The following ARMH4 variants were observed in gnomAD, a reference collection of about 807,000 sequenced individuals.
ARMH4 encodes the protein armadillo-like helical domain-containing protein 4.
In ARMH4, 49 loss-of-function variants were observed where a neutral mutation model predicts 61.9. The observed-to-expected ratio is 0.79, with a 90% confidence interval of 0.63 to 1.00. The LOEUF is 1.00. Ranked by LOEUF, ARMH4 falls within the 50% of genes least tolerant of loss-of-function variation. ARMH4 has a pLI of 0.00. For synonymous variants in ARMH4, 368 were observed against 341.5 expected (o/e 1.08, Z -0.85); for missense variants, 934 against 930.0 (o/e 1.00, Z -0.06).
chr14:58,036,605 C>A (rs1363812478), intron 5 of ARMH4, among the ~76,000 whole-genome samples: 2 of 127,876 alleles, frequency 1.6e-5, no homozygotes, highest in Non-Finnish European at 1.7e-5. Context: ...AAGAGGAAGT[C>A]AAATTGTCCC....
Position 58,096,862 on chromosome 14 carries a change from T to C in ARMH4, c.1951A>G (p.Thr651Ala). 6.2e-7 allele frequency: 1 copy of C among 1,614,150 alleles called. No homozygotes were observed. The highest frequency in any genetic ancestry group is 8.5e-7 in the Non-Finnish European group (1 of 1,180,030). The change falls in exon 5 of 8, where the codon ACT becomes GCT. Residue 651 changes from threonine (T) to alanine (A), a missense_variant. By Grantham distance (58) the Thr-to-Ala change is moderately conservative. Transcript: ENST00000267485. The stretch of plus-strand genomic sequence containing the variant: ...GGGAGGGTAAAACCTGGCAGCTCAG[T>C]GTCACCATCCAAGCCCTCATCCAGC... Reference protein sequence around the residue: ...DSLDEGLDGDTELPGFTLPGI... With the variant: ...DSLDEGLDGDAELPGFTLPGI...
intron 4 of ARMH4, chr14:58,131,286 T>C (rs1377957007): frequency 2.1e-6 from 1 of 483,712 alleles, no homozygotes; most frequent in African/African-American, 1.9e-5. Context: ...AAAATATTAT[T>C]CTTCTTTTGA....
chr14:58,073,799 C>T (rs956410278), intron 5 of ARMH4, among the ~76,000 whole-genome samples: 6 of 152,190 alleles, frequency 3.9e-5, no homozygotes, highest in African/African-American at 1.4e-4. Flanking sequence ...ACTATCTGTG[C>T]TCTTGGAGCA....
At chr14:58,008,175 C>A (rs1325679812) in intron 6 of ARMH4, among the ~76,000 whole-genome samples, 1 of 152,158 alleles carries the variant, frequency 6.6e-6, no homozygotes, top group African/African-American at 2.4e-5. Flanking sequence ...AGTATATATT[C>A]ATTCTTAGGA....
intron 4 of ARMH4, among the ~76,000 whole-genome samples, chr14:58,117,213 T>G (rs1886560048): frequency 6.6e-6 from 1 of 152,242 alleles, no homozygotes; most frequent in Non-Finnish European, 1.5e-5. Context: ...ATTTCTCAAG[T>G]ATGCTATAAA....
intron 5 of ARMH4, among the ~76,000 whole-genome samples, chr14:58,025,207 A>C (rs1882981807): frequency 6.6e-6 from 1 of 152,152 alleles, no homozygotes; most frequent in Non-Finnish European, 1.5e-5. Context: ...GCATATAAGG[A>C]AGGCAGGCAA....
At chr14:58,128,268 C>T (rs1329571658) in intron 4 of ARMH4, among the ~76,000 whole-genome samples, 1 of 152,104 alleles carries the variant, frequency 6.6e-6, no homozygotes, top group Admixed American at 6.5e-5. Context: ...TTTAAGTTGG[C>T]ATTTTAGAGC....
At chr14:58,020,329 C>A (rs562713054) in intron 5 of ARMH4, among the ~76,000 whole-genome samples, 36 of 152,236 alleles carry the variant, frequency 2.4e-4, no homozygotes, top group African/African-American at 8.4e-4. Flanking sequence ...TGGGAGGCAG[C>A]GTGTATTAGC....
At chr14:58,110,830 T>A (rs1281153829) in intron 4 of ARMH4, among the ~76,000 whole-genome samples, 3 of 152,184 alleles carry the variant, frequency 2.0e-5, no homozygotes, top group African/African-American at 7.2e-5. Flanking sequence ...CAAGTGATTC[T>A]CCTGCCTCAG....
chr14:58,005,276 C>T (rs1882123722), intron 6 of ARMH4, 94 bp from the exon 7 acceptor site: 1 of 1,486,758 alleles, frequency 6.7e-7, no homozygotes, highest in East Asian at 2.3e-5. Flanking sequence ...TTTTTAGACA[C>T]TTTGAATTCT....
intron 5 of ARMH4, among the ~76,000 whole-genome samples, chr14:58,043,305 C>A (rs1484595890): frequency 1.3e-5 from 2 of 151,892 alleles, no homozygotes; most frequent in African/African-American, 2.4e-5. Flanking sequence ...TCAACAGATG[C>A]AAATCAATAA....
At position 58,097,441 on chromosome 14, in the gene ARMH4, A is replaced by G. The variant is rs557024618; in HGVS notation, c.1832-460T>C. 2.6e-5 allele frequency among the ~76,000 whole-genome samples: 4 copies of G among 152,328 alleles called. No individual in the cohort carries two copies. In the East Asian group the frequency reaches 7.7e-4, roughly 29 times the overall value. ...GGCACAGCTTTTTCTATTCATCCACATCAGTGAGTAGAACTCACAAAAATG... is the reference window on the plus strand; with the variant it reads ...GGCACAGCTTTTTCTATTCATCCACGTCAGTGAGTAGAACTCACAAAAATG... On this transcript the variant is annotated intron_variant, in intron 4 of 7. Coordinates refer to ENST00000267485, the MANE Select transcript of ARMH4 (RefSeq NM_001001872.4).
intron 4 of ARMH4, among the ~76,000 whole-genome samples, chr14:58,119,562 C>A (rs1281850826): frequency 6.6e-6 from 1 of 152,204 alleles, no homozygotes; most frequent in Non-Finnish European, 1.5e-5. Flanking sequence ...ACATGGAAAG[C>A]CCTGCTTGGA....
rs143883927 is a variant in ARMH4, at chr14:58,049,057, G to A, written c.2090-36907C>T. Among the ~76,000 whole-genome samples, 1,673 of 152,056 alleles carry A rather than the reference G, an allele frequency of 0.011. 63 individuals are homozygous for A. In the East Asian group the frequency reaches 0.13, roughly 12 times the overall value. On this transcript the variant is annotated intron_variant, in intron 5 of 7. Coordinates refer to ENST00000267485, the MANE Select transcript of ARMH4 (RefSeq NM_001001872.4). ...TCGAGACCATCCTGGCTAACATGGTGAAACCCCATCTCTATTAAAAACACA... is the reference window on the plus strand; with the variant it reads ...TCGAGACCATCCTGGCTAACATGGTAAAACCCCATCTCTATTAAAAACACA...
intron 4 of ARMH4, among the ~76,000 whole-genome samples, chr14:58,114,161 T>C (rs1336573079): frequency 6.6e-6 from 1 of 152,140 alleles, no homozygotes; most frequent in Non-Finnish European, 1.5e-5. Context: ...TGGGACTCTA[T>C]TGGACATGAT....
At chr14:58,070,213 A>G (rs997548949) in intron 5 of ARMH4, among the ~76,000 whole-genome samples, 1 of 152,162 alleles carries the variant, frequency 6.6e-6, no homozygotes, top group Admixed American at 6.5e-5. Flanking sequence ...CTCAAAGAGG[A>G]GGAAGAAGGT....
Position 58,131,550 on chromosome 14 carries a change from G to C in ARMH4, c.1793C>G (p.Thr598Arg). 6.2e-7 allele frequency: 1 copy of C among 1,614,194 alleles called. No individual in the cohort carries two copies. Among genetic ancestry groups the C allele is most frequent in the Non-Finnish European group, 8.5e-7 (1 of 1,180,020 alleles). ...TVVPSITRVN[T>R]AASYGLDQLE... ...TTGGTCCAGGCCATATGAGGCAGCT[G>C]TATTAACACGAGTAATAGATGGAAC... The change falls in exon 4 of 8, where the codon ACA becomes AGA. Residue 598 changes from threonine to arginine, a missense_variant. Thr to Arg is a moderately conservative substitution (Grantham distance 71). Transcript: ENST00000267485.
Position 58,138,889 on chromosome 14 carries a change from A to C in ARMH4, c.470T>G (p.Val157Gly). Residue 157 changes from valine to glycine, a missense_variant, in exon 2 of 8, where the codon GTT becomes GGT. Physicochemically the swap from Val to Gly is moderately radical, Grantham distance 109. Transcript: ENST00000267485. ...TGTAAGGAGTTCCTCCTTTTCATCA[A>C]CAGTCAGAGAAGGAGTCGCAGTGAT... The part of the protein sequence containing the change: ...IAITATPSLT[V>G]DEKEELLTST... 6.2e-7 allele frequency: 1 copy of C among 1,614,230 alleles called. No individual in the cohort carries two copies. The highest frequency in any genetic ancestry group is 1.1e-5 in the South Asian group (1 of 91,088).
At chr14:58,081,674 T>G (rs1167878686) in intron 5 of ARMH4, among the ~76,000 whole-genome samples, 1 of 151,742 alleles carries the variant, frequency 6.6e-6, no homozygotes, top group Non-Finnish European at 1.5e-5. Context: ...CTAATTTTTT[T>G]GTATTTTTTA....
Sources: gnomAD v4.1 joint callset for allele counts (sites outside exome capture counted in the v4.1 genomes callset) on GRCh38, gnomAD v4.1.1 for gene constraint, MANE v1.5 for transcripts, NCBI Gene and HGNC (gene_info 2026-07-23, HGNC 2026-07-21) for gene names.